Variants in CALN1 observed in about 807,000 individuals in gnomAD.
CALN1 encodes calcium-binding protein 8.
Under a neutral mutation model 30.6 loss-of-function variants are expected in CALN1, and 17 were observed. The ratio of observed to expected loss-of-function variants is 0.56; its 90% confidence interval spans 0.38 to 0.83. The LOEUF (loss-of-function observed/expected upper bound fraction) is 0.83. CALN1 is among the 40% of genes least tolerant of loss of function. The pLI is 0.00. For missense variants in CALN1, 291 were observed against 354.9 expected (o/e 0.82, Z 1.45); for synonymous variants, 156 against 131.4 (o/e 1.19, Z -1.28).
At chr7:72,448,991 G>T (rs1585741504), upstream of CALN1, among the ~76,000 whole-genome samples, 1 of 152,166 alleles carries the variant, frequency 6.6e-6, no homozygotes, top group Non-Finnish European at 1.5e-5. Flanking sequence ...GATCTCCAGG[G>T]TACGTGCCTT....
intron 2 of CALN1, among the ~76,000 whole-genome samples, chr7:72,297,995 A>G (rs1047260315): frequency 6.6e-5 from 10 of 152,218 alleles, no homozygotes; most frequent in African/African-American, 2.4e-4. Flanking sequence ...GAGTTTGTAG[A>G]TAGTGCACTC....
At chr7:71,976,885 A>T (rs981764800) in intron 5 of CALN1, among the ~76,000 whole-genome samples, 1 of 152,244 alleles carries the variant, frequency 6.6e-6, no homozygotes, top group Non-Finnish European at 1.5e-5. Flanking sequence ...TCCCCCTGCA[A>T]TTTGCACGTG....
intron 5 of CALN1, among the ~76,000 whole-genome samples, chr7:71,939,705 T>C (rs968277943): frequency 6.6e-6 from 1 of 152,238 alleles, no homozygotes; most frequent in South Asian, 2.1e-4. Flanking sequence ...GGAGCTGGGA[T>C]TGGGATTCAC....
At chr7:72,196,616 A>C (rs181694655) in intron 3 of CALN1, among the ~76,000 whole-genome samples, 1 of 152,356 alleles carries the variant, frequency 6.6e-6, no homozygotes, top group East Asian at 1.9e-4. Flanking sequence ...TCTTTAACGA[A>C]GAAAAAGAAA....
At chr7:72,246,974 G>A (rs1234865841) in intron 3 of CALN1, among the ~76,000 whole-genome samples, 3 of 151,808 alleles carry the variant, frequency 2.0e-5, no homozygotes, top group Non-Finnish European at 2.9e-5. Context: ...GGCTAGTCTC[G>A]AACTCCCGAC....
chr7:72,341,364 A>T (rs994788578), intron 2 of CALN1, among the ~76,000 whole-genome samples: 3 of 152,104 alleles, frequency 2.0e-5, no homozygotes, highest in Admixed American at 6.6e-5. Context: ...CTCTACTAAA[A>T]ATACAAAAAT....
rs776996537 is a variant in CALN1 at position 72,410,754 on chromosome 7, C to T, written c.-74+1304G>A. Among the ~76,000 whole-genome samples, 37 of 152,140 alleles carry T rather than the reference C, an allele frequency of 2.4e-4. 1 individual carries two copies. The highest frequency in any genetic ancestry group is 5.9e-5 in the Non-Finnish European group (4 of 68,028). On this transcript the variant is annotated intron_variant, in intron 1 of 6. Transcript: ENST00000395275. ...GTAAAATAGGGAACTATATATATTT[C>T]CTGAACATAAATACACACACCTCCG... is the stretch of plus-strand genomic sequence containing the variant.
intron 5 of CALN1, among the ~76,000 whole-genome samples, chr7:71,832,715 C>T (rs1446269718): frequency 6.6e-6 from 1 of 152,142 alleles, no homozygotes; most frequent in Non-Finnish European, 1.5e-5. Flanking sequence ...ATCCTCCCAC[C>T]TCAGCCTCCT....
intron 1 of CALN1, among the ~76,000 whole-genome samples, chr7:72,435,168 G>A (rs1036995012): frequency 3.3e-5 from 5 of 151,778 alleles, no homozygotes; most frequent in Admixed American, 3.3e-4. Context: ...CTAGGAATTC[G>A]AGGCTGCAGT....
chr7:72,195,085 T>C (rs1312520594), intron 3 of CALN1, among the ~76,000 whole-genome samples: 3 of 152,184 alleles, frequency 2.0e-5, no homozygotes, highest in East Asian at 1.9e-4. Context: ...CACTTTACAG[T>C]TCGTCATGTG....
At chr7:72,229,320 A>T (rs1793918327) in intron 3 of CALN1, among the ~76,000 whole-genome samples, 1 of 152,040 alleles carries the variant, frequency 6.6e-6, no homozygotes, top group Admixed American at 6.6e-5. Flanking sequence ...AAAGGCTCTT[A>T]AAAAGATGGA....
intron 3 of CALN1, among the ~76,000 whole-genome samples, chr7:72,195,556 T>G (rs1353115875): frequency 1.3e-5 from 2 of 152,118 alleles, no homozygotes; most frequent in Non-Finnish European, 2.9e-5. Context: ...TTAAAAAAAT[T>G]TTTTTAAGGA....
intron 2 of CALN1, among the ~76,000 whole-genome samples, chr7:72,351,130 T>C (rs1473327413): frequency 2.6e-5 from 4 of 151,938 alleles, no homozygotes; most frequent in African/African-American, 9.7e-5. Flanking sequence ...TGAGACTGTC[T>C]CAAAAAAATA....
chr7:71,851,581 T>C (rs1264232769), intron 5 of CALN1, among the ~76,000 whole-genome samples: 8 of 151,780 alleles, frequency 5.3e-5, no homozygotes, highest in African/African-American at 1.9e-4. Flanking sequence ...CATATATATA[T>C]TCACTAAAAG....
chr7:71,859,121 G>T (rs1304086966), intron 5 of CALN1, among the ~76,000 whole-genome samples: 1 of 152,066 alleles, frequency 6.6e-6, no homozygotes, highest in Non-Finnish European at 1.5e-5. Flanking sequence ...GGAGTGCAGC[G>T]GCATGATCTC....
intron 2 of CALN1, among the ~76,000 whole-genome samples, chr7:72,366,547 T>TG (rs35298825): frequency 0.63 from 95,006 of 151,812 alleles, 30,269 homozygotes; most frequent in East Asian, 0.73. Context: ...GGATGAATTT[T>TG]TAGTGCTGAA....
intron 3 of CALN1, 82 bp downstream of exon 3, chr7:72,278,603 AG>A: frequency 2.6e-6 from 4 of 1,568,390 alleles, no homozygotes; most frequent in South Asian, 1.1e-5. Context: ...GCCAAAGTCC[AG>A]GGCTTTCAAT....
At chr7:72,249,467 G>A (rs937229674) in intron 3 of CALN1, among the ~76,000 whole-genome samples, 6 of 151,804 alleles carry the variant, frequency 4.0e-5, no homozygotes, top group Middle Eastern at 3.4e-3. Context: ...AGGCAAGAAG[G>A]CACACTTTTC....
chr7:72,009,066 C>A (rs949240181), intron 5 of CALN1, among the ~76,000 whole-genome samples: 18 of 152,166 alleles, frequency 1.2e-4, no homozygotes, highest in African/African-American at 3.6e-4. Context: ...GACTGAAGAA[C>A]AATTAACTTC....
Sources: allele counts gnomAD v4.1 joint callset (sites outside exome capture counted in the v4.1 genomes callset), GRCh38; gene constraint gnomAD v4.1.1; transcripts MANE v1.5; gene names NCBI Gene and HGNC (gene_info 2026-07-23, HGNC 2026-07-21).